KDM2B: variants seen among roughly 807,000 people sequenced by gnomAD.
KDM2B encodes the protein lysine-specific demethylase 2B.
KDM2B carries 26 observed loss-of-function variants against 150.0 expected under a neutral mutation model. That is an observed-to-expected ratio of 0.17 (90% CI 0.13 to 0.24). The LOEUF (loss-of-function observed/expected upper bound fraction) is 0.24, where lower values mean the gene tolerates loss of function less well. Among genes scored for constraint, KDM2B ranks in the 10% least tolerant of loss-of-function variants. The pLI is 1.00. For synonymous variants in KDM2B, 734 were observed against 729.5 expected (o/e 1.01, Z -0.10); for missense variants, 1,265 against 1,816.9 (o/e 0.70, Z 5.52).
chr12:121,424,702 C>T (rs1399661510), downstream of KDM2B, among the ~76,000 whole-genome samples: 1 of 144,668 alleles, frequency 6.9e-6, no homozygotes, highest in Non-Finnish European at 1.5e-5. Flanking sequence ...CAGAGCCAGA[C>T]CTTGTCTCAA....
chr12:121,496,572 G>A (rs1883963723), intron 11 of KDM2B, among the ~76,000 whole-genome samples: 1 of 141,586 alleles, frequency 7.1e-6, no homozygotes, highest in South Asian at 2.2e-4. Flanking sequence ...TCAGCTCACT[G>A]TAGCCTCAAA....
Position 121,494,591 on chromosome 12 carries a change from C to A in KDM2B, c.1722G>T (p.Lys574Asn). 6.2e-7 allele frequency: 1 copy of A among 1,613,184 alleles called. No individual in the cohort carries two copies. The highest frequency in any genetic ancestry group is 1.1e-5 in the South Asian group (1 of 90,790). The change falls in exon 12 of 23, where the codon AAG becomes AAT. Residue 574 changes from lysine to asparagine, a missense_variant. Around this residue, in one of 11 missense-constraint regions of KDM2B, gnomAD observed 69 missense variants for 85.7 expected, o/e 0.81. Transcript: ENST00000377071. Reference sequence around the variant, plus strand: ...GGCTGCGTCTTACCTTTGGAGTCTTCTTTGGCCAAGTCACCACAGGGACCC... The same window carrying A: ...GGCTGCGTCTTACCTTTGGAGTCTTATTTGGCCAAGTCACCACAGGGACCC... ...ITGVPVVTWP[K>N]KTPKNRAVGR... is the part of the protein sequence containing the mutation.
At chr12:121,466,933 T>G (rs1266746020) in intron 12 of KDM2B, among the ~76,000 whole-genome samples, 3 of 147,248 alleles carry the variant, frequency 2.0e-5, no homozygotes, top group African/African-American at 7.4e-5. Context: ...TGGCCCCCAG[T>G]GCGCTCGCTC....
Position 121,430,738 on chromosome 12 carries a change from C to T in KDM2B, c.3830-269G>A. 1 of 576,010 alleles carries T rather than the reference C, an allele frequency of 1.7e-6. No homozygotes were observed. Among genetic ancestry groups the T allele is most frequent in the South Asian group, 2.3e-5 (1 of 42,628 alleles). The allele number at this position is 576,010 out of a possible 1,614,324, so 35.7% of individuals were successfully genotyped here. ...CACTTCTGATTTACCACACAGCTGC[C>T]TCTATACGTGCGTATGCTCATGTAA... On this transcript the variant is annotated intron_variant, in intron 22 of 22. Transcript: ENST00000377071. The surrounding 1 kb of genome is among the most constrained non-coding windows in gnomAD (Gnocchi z 4.4).
intron 12 of KDM2B, among the ~76,000 whole-genome samples, chr12:121,465,874 C>G (rs1555294645): frequency 1.3e-5 from 2 of 152,124 alleles, no homozygotes; most frequent in African/African-American, 4.8e-5. Context: ...ATCTATGGAA[C>G]AAGACTTTGA....
the KDM2B span, chr12:121,423,589 T>A: frequency 3.7e-6 from 6 of 1,607,648 alleles, no homozygotes; most frequent in Non-Finnish European, 4.3e-6. This position sits in a 1 kb window ranked among gnomAD's most constrained non-coding sequence, Gnocchi z 4.3. Context: ...CAGGCTCCCC[T>A]CACCAGGACA....
chr12:121,563,764 C>A (rs1890508586), intron 4 of KDM2B, among the ~76,000 whole-genome samples: 1 of 151,602 alleles, frequency 6.6e-6, no homozygotes, highest in African/African-American at 2.4e-5. Flanking sequence ...ACTAAAAATA[C>A]AAAAAGTAGC....
At chr12:121,532,667 A>G (rs1887763344) in intron 8 of KDM2B, 139 bp downstream of exon 8, 2 of 824,216 alleles carry the variant, frequency 2.4e-6, no homozygotes, top group African/African-American at 1.7e-5. Flanking sequence ...TTTTCCCTCC[A>G]GCCCACGGCT....
At chr12:121,443,537 C>A in intron 17 of KDM2B, 143 bp downstream of exon 17, 1 of 650,666 alleles carries the variant, frequency 1.5e-6, no homozygotes, top group Admixed American at 2.4e-5. Flanking sequence ...CAAGCCAGAA[C>A]CACGAGCCAG....
In KDM2B at chr12:121,429,647, C is replaced by T. The variant is rs1180043973; in HGVS notation, c.*641G>A. ...ATGCTTTTAAGTGGAAGGTCTTAGC[C>T]TACTTTGTTAGATCTGGGCACATTT... On this transcript the variant is annotated 3_prime_UTR_variant, in exon 23 of 23. Coordinates refer to ENST00000377071, the MANE Select transcript of KDM2B (RefSeq NM_032590.5). 1 of 247,200 alleles carries T rather than the reference C, an allele frequency of 4.0e-6. No homozygotes were observed. Among genetic ancestry groups the T allele is most frequent in the Admixed American group, 4.9e-5 (1 of 20,470 alleles). 15.3% of individuals were successfully genotyped at this position (247,200 alleles called of 1,614,324 possible). A position where few individuals can be genotyped will look rare whatever the true frequency, so the allele number is the denominator to read the frequency against.
chr12:121,448,319 CAAAAAAAAAAA>C (rs57261158), intron 13 of KDM2B, among the ~76,000 whole-genome samples: 5 of 51,116 alleles, frequency 9.8e-5, no homozygotes, highest in Middle Eastern at 0.017. Context: ...GACTCTGTCT[CAAAAAAAAAAA>C]AAAAAAAAAA....
Position 121,444,249 on chromosome 12 carries a change from C to T in KDM2B, c.2214G>A (p.Lys738=), listed in dbSNP as rs782617244. The change falls in exon 16 of 23, where the codon AAG becomes AAA. Residue 738 remains lysine (K), a synonymous_variant. Coordinates refer to ENST00000377071, the MANE Select transcript of KDM2B (RefSeq NM_032590.5). The part of the protein sequence containing the change: ...TGKQKRGPGF[K]YASNLPGSLL... ...GGGAGCCGGGCAGGTTGGAGGCGTA[C>T]TTAAAGCCAGGGCCACGCTTTTGCT... The T allele has an allele frequency of 1.4e-5, 23 of 1,613,960 alleles. No individual in the cohort carries two copies. The Middle Eastern group carries it at 2.3e-3, about 162-fold the overall frequency.
intron 8 of KDM2B, among the ~76,000 whole-genome samples, chr12:121,527,519 T>C (rs1555307028): frequency 6.7e-6 from 1 of 150,364 alleles, no homozygotes; most frequent in African/African-American, 2.4e-5. Context: ...CCGGGCATGG[T>C]GGCAGGCGCC....
At chr12:121,417,549 G>A in the KDM2B span, 1 of 1,614,144 alleles carries the variant, frequency 6.2e-7, no homozygotes, top group Non-Finnish European at 8.5e-7. The surrounding 1 kb of genome is among the most constrained non-coding windows in gnomAD (Gnocchi z 5.0). Context: ...CGTTTGTTCA[G>A]TCTTACAAGA....
At chr12:121,525,389 C>T (rs1887040286) in intron 8 of KDM2B, among the ~76,000 whole-genome samples, 1 of 152,068 alleles carries the variant, frequency 6.6e-6, no homozygotes, top group Non-Finnish European at 1.5e-5. Flanking sequence ...GCCTCAGCCT[C>T]CTGAGTAGCT....
At chr12:121,547,071 G>A (rs1293762340) in intron 6 of KDM2B, among the ~76,000 whole-genome samples, 1 of 152,116 alleles carries the variant, frequency 6.6e-6, no homozygotes, top group Non-Finnish European at 1.5e-5. Flanking sequence ...CAGCCAAATG[G>A]GATTCCTCTA....
chr12:121,580,563 A>C (rs1292055475), intron 1 of KDM2B: 3 of 513,320 alleles, frequency 5.8e-6, no homozygotes, highest in Non-Finnish European at 8.4e-6. Context: ...CATCCCGGAG[A>C]TGGCGGGGCA....
rs1193975605 is a variant in KDM2B at position 121,518,801 on chromosome 12, C to G, written c.1047+2184G>C. On this transcript the variant is annotated intron_variant, in intron 9 of 22. Transcript: ENST00000377071. This position sits in a 1 kb window ranked among gnomAD's most constrained non-coding sequence, Gnocchi z 4.4. ...TGGGCCTGACTTCCACTAGATTTCT[C>G]CATCTCTATTCCACACGTCTGCTCG... is the stretch of plus-strand genomic sequence containing the variant. Among the ~76,000 whole-genome samples the G allele has an allele frequency of 6.6e-6, 1 of 152,226 alleles. No homozygotes were observed. The highest frequency in any genetic ancestry group is 1.5e-5 in the Non-Finnish European group (1 of 68,030).
intron 1 of KDM2B, chr12:121,579,464 G>T: frequency 1.6e-6 from 1 of 620,464 alleles, no homozygotes; most frequent in Non-Finnish European, 2.5e-6. Flanking sequence ...AAGCTGGAAA[G>T]CTGAAATGGA....
Sources: gnomAD v4.1 joint callset for allele counts (sites outside exome capture counted in the v4.1 genomes callset) on GRCh38, gnomAD v4.1.1 for gene constraint, gnomAD v4.1.1 regional missense constraint, Gnocchi (gnomAD v3.1) non-coding constraint, MANE v1.5 for transcripts, NCBI Gene and HGNC (gene_info 2026-07-23, HGNC 2026-07-21) for gene names.